Variants in DNAJB14 observed in about 807,000 individuals in gnomAD.
The protein encoded by DNAJB14 is DnaJ heat shock protein family (Hsp40) member B14.
Under a neutral mutation model 48.4 loss-of-function variants are expected in DNAJB14, and 22 were observed. The ratio of observed to expected loss-of-function variants is 0.45; its 90% CI spans 0.32 to 0.65. DNAJB14 has a LOEUF of 0.65. Among genes scored for constraint, DNAJB14 ranks in the 30% least tolerant of loss-of-function variants. The pLI, the probability that DNAJB14 is intolerant of heterozygous loss-of-function variation, is 0.03. For synonymous variants in DNAJB14, 142 were observed against 158.7 expected, an observed-to-expected ratio of 0.89 and a Z score of 0.79; for missense variants, 319 against 458.8, an observed-to-expected ratio of 0.70 and a Z score of 2.78.
At chr4:99,917,947 G>A (rs1189285694) in intron 3 of DNAJB14, among the ~76,000 whole-genome samples, 2 of 152,104 alleles carry the variant, frequency 1.3e-5, no homozygotes, top group Admixed American at 6.5e-5. Context: ...ATGTGTCTTG[G>A]TGTGGCTTTC....
Position 99,899,267 on chromosome 4 carries a change from A to C in DNAJB14, c.*1761T>G, listed in dbSNP as rs564250060. The C allele has an allele frequency of 6.6e-6, 1 of 152,056 alleles. No homozygotes were observed. The highest frequency in any genetic ancestry group is 1.9e-4 in the East Asian group (1 of 5,192). The allele number at this position is 152,056 out of a possible 1,614,324, so 9.4% of individuals were successfully genotyped here. A position where few individuals can be genotyped will look rare whatever the true frequency, so the allele number is the denominator to read the frequency against. ...AAATAGATGAAATTTTTTTCATTCA[A>C]ATTTTCATAAATTTTCTGATGCATA... On this transcript the variant is annotated 3_prime_UTR_variant, in exon 8 of 8. Transcript: ENST00000442697.
rs2110188919 is a variant in DNAJB14, at chr4:99,899,736, C to T, written c.*1292G>A. The T allele has an allele frequency of 6.6e-6, 1 of 151,940 alleles. No homozygotes were observed. Among genetic ancestry groups the T allele is most frequent in the East Asian group, 1.9e-4 (1 of 5,178 alleles). 9.4% of individuals were successfully genotyped at this position (151,940 alleles called of 1,614,324 possible). Reference sequence around the variant, plus strand: ...ATTAAAATATTACAACTGCTAAACACAGAAGACTAGAAATCAAATAGTTTC... The same window carrying T: ...ATTAAAATATTACAACTGCTAAACATAGAAGACTAGAAATCAAATAGTTTC... On this transcript the variant is annotated 3_prime_UTR_variant, in exon 8 of 8. Coordinates refer to ENST00000442697, the MANE Select transcript of DNAJB14 (RefSeq NM_001031723.4).
intron 2 of DNAJB14, chr4:99,924,887 C>A: frequency 1.8e-6 from 2 of 1,120,496 alleles, no homozygotes; most frequent in Non-Finnish European, 2.7e-6. Context: ...GATTTTGCCT[C>A]TAGGCAAAAA....
intron 3 of DNAJB14, among the ~76,000 whole-genome samples, chr4:99,919,231 G>A (rs967878415): frequency 6.6e-6 from 1 of 151,970 alleles, no homozygotes; most frequent in African/African-American, 2.4e-5. Context: ...CTGTCTATAT[G>A]TATTGGTGTT....
chr4:99,902,265 T>C (rs1035099969), intron 7 of DNAJB14, among the ~76,000 whole-genome samples: 2 of 151,992 alleles, frequency 1.3e-5, no homozygotes, highest in African/African-American at 4.8e-5. Flanking sequence ...GTCTGTGCAT[T>C]GTAGGATGTT....
At chr4:99,933,516 TCAAA>T (rs1379581580) in intron 1 of DNAJB14, among the ~76,000 whole-genome samples, 2 of 152,038 alleles carry the variant, frequency 1.3e-5, no homozygotes, top group Non-Finnish European at 2.9e-5. Context: ...CAGGCTGGTC[TCAAA>T]CTCCTGACTT....
At chr4:99,914,835 CTCT>C (rs1725793235) in intron 3 of DNAJB14, among the ~76,000 whole-genome samples, 1 of 152,040 alleles carries the variant, frequency 6.6e-6, no homozygotes, top group Admixed American at 6.5e-5. Flanking sequence ...TCATAGTATT[CTCT>C]TATTATCCGT....
chr4:99,942,241 G>A (rs975479203), intron 1 of DNAJB14: 2 of 151,838 alleles, frequency 1.3e-5, no homozygotes, highest in African/African-American at 4.8e-5. Context: ...CATTACAGTA[G>A]ATGAAGAATG....
intron 2 of DNAJB14, chr4:99,925,102 C>A: frequency 2.6e-6 from 1 of 381,704 alleles, no homozygotes; most frequent in Non-Finnish European, 4.7e-6. Context: ...ATACCAAAAT[C>A]TACAGATGCT....
In DNAJB14 at chr4:99,917,888, T is replaced by C. The variant is rs186021134; in HGVS notation, c.451+5152A>G. On this transcript the variant is annotated intron_variant, in intron 3 of 7. Transcript: ENST00000442697. ...CCCTATAGGTAAGGCGTCATTTCTC[T>C]TTTGCTGTTTTCAAGCCTTTGTCTT... 1.1e-3 allele frequency among the ~76,000 whole-genome samples: 175 copies of C among 152,296 alleles called. 1 individual carries two copies. The highest frequency in any genetic ancestry group is 1.8e-3 in the Non-Finnish European group (122 of 68,016).
At chr4:99,903,138 C>A (rs182096894) in intron 7 of DNAJB14, among the ~76,000 whole-genome samples, 1 of 152,210 alleles carries the variant, frequency 6.6e-6, no homozygotes, top group East Asian at 1.9e-4. Context: ...AGAACCACAA[C>A]ACTCAATTCA....
intron 1 of DNAJB14, among the ~76,000 whole-genome samples, chr4:99,939,676 T>TC (rs1299197314): frequency 1.3e-5 from 2 of 152,238 alleles, no homozygotes; most frequent in Non-Finnish European, 2.9e-5. Context: ...AGTCTTTGGC[T>TC]CCATCAAGTG....
intron 3 of DNAJB14, among the ~76,000 whole-genome samples, chr4:99,921,882 T>C (rs1000244519): frequency 6.6e-6 from 1 of 152,210 alleles, no homozygotes; most frequent in Non-Finnish European, 1.5e-5. Context: ...TCTGTGTTTT[T>C]TTAAAATGAA....
At position 99,908,709 on chromosome 4, in the gene DNAJB14, A is replaced by G; in HGVS notation, c.637+2T>C. On this transcript the variant is annotated splice_donor_variant, in intron 4 of 7. Coordinates refer to ENST00000442697, the MANE Select transcript of DNAJB14 (RefSeq NM_001031723.4). LOFTEE classifies it high-confidence loss of function. Reference sequence around the variant, plus strand: ...ATAATATCTATAATTACATTAAAATACCTGAAGGAAATCCACCCCCAAAAA... The same window carrying G: ...ATAATATCTATAATTACATTAAAATGCCTGAAGGAAATCCACCCCCAAAAA... The G allele has an allele frequency of 6.3e-7, 1 of 1,580,828 alleles. No individual in the cohort carries two copies. The highest frequency in any genetic ancestry group is 8.6e-7 in the Non-Finnish European group (1 of 1,166,162).
intron 1 of DNAJB14, among the ~76,000 whole-genome samples, chr4:99,938,362 G>C (rs994062111): frequency 1.8e-5 from 1 of 56,198 alleles, no homozygotes; most frequent in Non-Finnish European, 3.6e-5. Flanking sequence ...TTTTTTTTTT[G>C]CCATAAGGGG....
chr4:99,918,317 A>G (rs1181890464), intron 3 of DNAJB14, among the ~76,000 whole-genome samples: 1 of 152,058 alleles, frequency 6.6e-6, no homozygotes, highest in African/African-American at 2.4e-5. Context: ...TGTTCTTTAT[A>G]CTTTTAATAG....
At chr4:99,934,922 GA>G (rs1196365447) in intron 1 of DNAJB14, among the ~76,000 whole-genome samples, 1 of 115,744 alleles carries the variant, frequency 8.6e-6, no homozygotes, top group East Asian at 2.4e-4. Context: ...GAAGAAACTA[GA>G]CTCATAAATA....
At chr4:99,914,592 AT>A (rs1367813439) in intron 3 of DNAJB14, among the ~76,000 whole-genome samples, 1 of 152,204 alleles carries the variant, frequency 6.6e-6, no homozygotes. Context: ...ATGTATACAT[AT>A]GTAACAAACC....
intron 1 of DNAJB14, among the ~76,000 whole-genome samples, chr4:99,931,989 T>G (rs965769286): frequency 6.6e-6 from 1 of 151,988 alleles, no homozygotes; most frequent in Non-Finnish European, 1.5e-5. Context: ...AAGAATAAAT[T>G]TGGACTCCAT....
Sources: gnomAD v4.1 joint callset for allele counts (sites outside exome capture counted in the v4.1 genomes callset) on GRCh38, gnomAD v4.1.1 for gene constraint, MANE v1.5 for transcripts, NCBI Gene and HGNC (gene_info 2026-07-23, HGNC 2026-07-21) for gene names.